PRIM2: variants seen among roughly 807,000 people sequenced by gnomAD.
PRIM2 encodes the protein DNA primase subunit 2, also known as DNA primase large subunit.
Under a neutral mutation model 67.3 loss-of-function variants are expected in PRIM2, and 39 were observed. The observed-to-expected ratio is 0.58, with a 90% CI of 0.45 to 0.76. The LOEUF is 0.76. Among genes scored for constraint, PRIM2 ranks in the 30% least tolerant of loss-of-function variants. PRIM2 has a pLI of 0.00. For missense variants in PRIM2, 398 were observed against 598.7 expected (o/e 0.66, Z 3.50); for synonymous variants, 143 against 198.7 (o/e 0.72, Z 2.36).
At chr6:57,261,030 G>T in the PRIM2 span, among the ~76,000 whole-genome samples, 1 of 152,268 alleles carries the variant, frequency 6.6e-6, no homozygotes, top group East Asian at 1.9e-4. Context: ...AGATTCAATG[G>T]AAGTTTTTCC....
chr6:57,525,266 C>T (rs1298017835), intron 8 of PRIM2, among the ~76,000 whole-genome samples: 2 of 152,176 alleles, frequency 1.3e-5, no homozygotes, highest in African/African-American at 2.4e-5. Flanking sequence ...ACCCCTTCAA[C>T]AACCTTAATA....
chr6:57,365,949 C>CAAAAAAAAAA (rs5876544), intron 5 of PRIM2, among the ~76,000 whole-genome samples: 5 of 62,614 alleles, frequency 8.0e-5, no homozygotes, highest in Admixed American at 2.6e-4. Flanking sequence ...GACCATATCT[C>CAAAAAAAAAA]AAAAAAAAAA....
the PRIM2 span, among the ~76,000 whole-genome samples, chr6:57,246,836 T>G: frequency 6.6e-6 from 1 of 150,842 alleles, no homozygotes; most frequent in South Asian, 2.1e-4. Flanking sequence ...CTGTACCAGA[T>G]GATCTCCCTG....
At chr6:57,240,299 C>T in the PRIM2 span, among the ~76,000 whole-genome samples, 2,756 of 152,070 alleles carry the variant, frequency 0.018, 98 homozygotes, top group African/African-American at 0.062. Context: ...ATGGGCTTCT[C>T]TATGTTGGTT....
chr6:57,385,123 C>T (rs1055073041), intron 7 of PRIM2, among the ~76,000 whole-genome samples: 9 of 152,064 alleles, frequency 5.9e-5, no homozygotes, highest in African/African-American at 1.9e-4. Context: ...CAAAATTTTA[C>T]AATTTTTTTC....
chr6:57,263,966 T>C, the PRIM2 span, among the ~76,000 whole-genome samples: 1 of 152,218 alleles, frequency 6.6e-6, no homozygotes, highest in African/African-American at 2.4e-5. Context: ...ACCAGCCTGG[T>C]ACATGTATTT....
At chr6:57,522,635 T>C (rs1554349031) in intron 8 of PRIM2, among the ~76,000 whole-genome samples, 9 of 152,284 alleles carry the variant, frequency 5.9e-5, no homozygotes, top group African/African-American at 2.2e-4. Context: ...ACTACAGATA[T>C]GTGCCACCAC....
chr6:57,540,512 A>G (rs1417659914), intron 10 of PRIM2, among the ~76,000 whole-genome samples: 1 of 152,188 alleles, frequency 6.6e-6, no homozygotes, highest in Non-Finnish European at 1.5e-5. Flanking sequence ...AGTATATTGG[A>G]AAATTTTCTG....
intron 7 of PRIM2, chr6:57,497,643 T>C (rs1554346502): frequency 1.3e-5 from 2 of 152,250 alleles, no homozygotes; most frequent in Admixed American, 1.3e-4. Context: ...TGCATTTTGC[T>C]TGACAAGGTC....
the PRIM2 span, among the ~76,000 whole-genome samples, chr6:57,290,252 C>G: frequency 6.6e-6 from 1 of 151,806 alleles, no homozygotes; most frequent in Non-Finnish European, 1.5e-5. Flanking sequence ...TCAAAAGAGA[C>G]AAAGAAGGCC....
At chr6:57,516,545 A>G (rs1171966921) in intron 8 of PRIM2, among the ~76,000 whole-genome samples, 1 of 152,184 alleles carries the variant, frequency 6.6e-6, no homozygotes. Flanking sequence ...TTTTCTTTTT[A>G]ATATTGAAAG....
chr6:57,276,882 C>T, the PRIM2 span, among the ~76,000 whole-genome samples: 1 of 150,316 alleles, frequency 6.7e-6, no homozygotes, highest in Admixed American at 6.6e-5. Flanking sequence ...AACTGAGACC[C>T]TGCCTCAAAA....
chr6:57,449,072 C>G (rs1205730904), intron 7 of PRIM2, among the ~76,000 whole-genome samples: 4 of 151,998 alleles, frequency 2.6e-5, no homozygotes, highest in Non-Finnish European at 4.4e-5. Context: ...CAGCACTTTG[C>G]CTAACAACAT....
chr6:57,247,916 G>C, the PRIM2 span, among the ~76,000 whole-genome samples: 1 of 151,924 alleles, frequency 6.6e-6, no homozygotes, highest in African/African-American at 2.4e-5. Flanking sequence ...AGAATAATGA[G>C]ACTAAAAAAA....
chr6:57,328,220 A>T (rs1042647216), intron 5 of PRIM2, among the ~76,000 whole-genome samples: 1 of 152,234 alleles, frequency 6.6e-6, no homozygotes, highest in African/African-American at 2.4e-5. Flanking sequence ...ACAAATCTTG[A>T]CATGCACCCT....
chr6:57,636,900 C>T (rs1341178876), intron 13 of PRIM2, among the ~76,000 whole-genome samples: 12 of 152,210 alleles, frequency 7.9e-5, no homozygotes, highest in Non-Finnish European at 1.2e-4. Context: ...GCCTAGCATT[C>T]GAGCTCTGTT....
intron 9 of PRIM2, among the ~76,000 whole-genome samples, chr6:57,532,876 GA>G (rs1171297518): frequency 6.6e-6 from 1 of 152,146 alleles, no homozygotes; most frequent in Non-Finnish European, 1.5e-5. Flanking sequence ...CGAAATCCAA[GA>G]TCAAAGGGAT....
chr6:57,540,951 ATC>A (rs1775136173), intron 10 of PRIM2, among the ~76,000 whole-genome samples: 1 of 152,198 alleles, frequency 6.6e-6, no homozygotes, highest in Non-Finnish European at 1.5e-5. Context: ...CAGTAAAGTG[ATC>A]TCTCACAGTT....
intron 7 of PRIM2, among the ~76,000 whole-genome samples, chr6:57,472,200 T>TGGGC (rs1229421609): frequency 1.3e-5 from 2 of 151,864 alleles, no homozygotes; most frequent in East Asian, 3.9e-4. Flanking sequence ...GAGGCCAAGG[T>TGGGC]GGGCGGATCA....
Sources: allele counts gnomAD v4.1 joint callset (sites outside exome capture counted in the v4.1 genomes callset), GRCh38; gene constraint gnomAD v4.1.1; transcripts MANE v1.5; gene names NCBI Gene and HGNC (gene_info 2026-07-23, HGNC 2026-07-21).